Variants in VWA5A observed in about 807,000 individuals in gnomAD.
VWA5A encodes the protein von Willebrand factor A domain containing 5A, also known as von Willebrand factor A domain-containing protein 5A.
VWA5A carries 77 observed loss-of-function variants against 84.6 expected under a neutral mutation model. The ratio of observed to expected loss-of-function variants is 0.91; its 90% CI spans 0.76 to 1.10. The LOEUF is 1.10. VWA5A is among the 50% of genes least tolerant of loss of function. VWA5A has a pLI of 0.00. For synonymous variants in VWA5A, 334 were observed against 350.1 expected (o/e 0.95, Z 0.51); for missense variants, 973 against 963.0 (o/e 1.01, Z -0.14).
chr11:124,117,876 G>T lies in VWA5A; in HGVS notation c.246+1G>T. The T allele has an allele frequency of 2.5e-6, 4 of 1,614,058 alleles. No homozygotes were observed. Among genetic ancestry groups the T allele is most frequent in the Non-Finnish European group, 2.5e-6 (3 of 1,180,004 alleles). ...AGCAGAATTACAAGACAAGATGAAG[G>T]TAGTAGAGATTACCTCCTCCCTTCT... On this transcript the variant is annotated splice_donor_variant, in intron 4 of 18. Coordinates refer to ENST00000456829, the MANE Select transcript of VWA5A (RefSeq NM_001130142.2). LOFTEE classifies it high-confidence loss of function.
chr11:124,115,455 A>C lies in VWA5A; in HGVS notation c.-158A>C, dbSNP rs547785804. ...AGCTGTTTTCACTCCGCTGTGACTCAGAGCGCTCCGGGCTGCAGGAGAGGA... is the reference window on the plus strand; with the variant it reads ...AGCTGTTTTCACTCCGCTGTGACTCCGAGCGCTCCGGGCTGCAGGAGAGGA... On this transcript the variant is annotated 5_prime_UTR_variant, in exon 1 of 19. Coordinates refer to ENST00000456829, the MANE Select transcript of VWA5A (RefSeq NM_001130142.2). 1.3e-5 allele frequency: 2 copies of C among 152,278 alleles called. No individual in the cohort carries two copies. The highest frequency in any genetic ancestry group is 4.1e-4 in the South Asian group (2 of 4,820). The allele number at this position is 152,278 out of a possible 1,614,324, so 9.4% of individuals were successfully genotyped here.
At chr11:124,141,040 G>C (rs1186857336) in intron 15 of VWA5A, among the ~76,000 whole-genome samples, 1 of 152,194 alleles carries the variant, frequency 6.6e-6, no homozygotes, top group Non-Finnish European at 1.5e-5. Context: ...CTATCTACAT[G>C]GGTGATGAAA....
intron 11 of VWA5A, among the ~76,000 whole-genome samples, chr11:124,132,990 T>C (rs1407878808): frequency 6.6e-6 from 1 of 152,230 alleles, no homozygotes; most frequent in Non-Finnish European, 1.5e-5. Flanking sequence ...ATTTCTTTTT[T>C]AAGCTTGTAT....
At chr11:124,119,149 C>CATGTTGGGGA in intron 7 of VWA5A, 60 bp downstream of exon 7, 1 of 1,433,022 alleles carries the variant, frequency 7.0e-7, no homozygotes. Context: ...CTTGGAATTA[C>CATGTTGGGGA]TGTCGAATTA....
At chr11:124,135,876 A>G (rs1253800269) in intron 12 of VWA5A, among the ~76,000 whole-genome samples, 1 of 152,046 alleles carries the variant, frequency 6.6e-6, no homozygotes, top group Non-Finnish European at 1.5e-5. Context: ...TGCCACCTTT[A>G]TCTAATCCCC....
Position 124,118,982 on chromosome 11 carries a change from T to G in VWA5A, c.653T>G (p.Leu218Arg). 6.2e-7 allele frequency: 1 copy of G among 1,614,148 alleles called. No individual in the cohort carries two copies. The highest frequency in any genetic ancestry group is 8.5e-7 in the Non-Finnish European group (1 of 1,180,022). The change falls in exon 7 of 19, where the codon CTG (leucine) becomes CGG (arginine). Residue 218 changes from leucine (L) to arginine (R), a missense_variant. Coordinates refer to ENST00000456829, the MANE Select transcript of VWA5A (RefSeq NM_001130142.2). ...TACCTGTCCTCCACTCAGGTTTCCC[T>G]GGCTGCTGGACACAAGTTTGATCGG... ...GEDKTSAQVS[L>R]AAGHKFDRDV...
In VWA5A at chr11:124,118,975, G is replaced by A. The variant is rs1277019124; in HGVS notation, c.646G>A (p.Val216Ile). 2 of 1,614,018 alleles carry A rather than the reference G, an allele frequency of 1.2e-6. No individual in the cohort carries two copies. Among genetic ancestry groups the A allele is most frequent in the Non-Finnish European group, 8.5e-7 (1 of 1,179,970 alleles). ...GCTCCTTTACCTGTCCTCCACTCAGGTTTCCCTGGCTGCTGGACACAAGTT... is the reference window on the plus strand; with the variant it reads ...GCTCCTTTACCTGTCCTCCACTCAGATTTCCCTGGCTGCTGGACACAAGTT... ...YLGEDKTSAQVSLAAGHKFDR... is the reference protein window; with the variant it reads ...YLGEDKTSAQISLAAGHKFDR... Residue 216 changes from valine (V) to isoleucine (I), a missense_variant and splice_region_variant, in exon 7 of 19, where the codon GTT (valine) becomes ATT (isoleucine). Transcript: ENST00000456829.
At chr11:124,133,409 G>A (rs1393514280) in intron 11 of VWA5A, among the ~76,000 whole-genome samples, 1 of 152,224 alleles carries the variant, frequency 6.6e-6, no homozygotes, top group Admixed American at 6.5e-5. Flanking sequence ...GCTTCAAAGG[G>A]TCAAGGAACA....
At position 124,118,724 on chromosome 11, in the gene VWA5A, A is replaced by T. The variant is rs1864883061; in HGVS notation, c.645+16A>T. ...TTCTGCTCAGGTAGTTAATGAGAGA[A>T]TACTGCTATTGTCAGTACCTCTGTT... On this transcript the variant is annotated intron_variant, in intron 6 of 18. Coordinates refer to ENST00000456829, the MANE Select transcript of VWA5A (RefSeq NM_001130142.2). The T allele has an allele frequency of 1.9e-6, 3 of 1,608,484 alleles. No individual in the cohort carries two copies. In the East Asian group the frequency reaches 6.7e-5, roughly 36 times the overall value.
At chr11:124,132,519 AT>A (rs1565619077) in intron 11 of VWA5A, among the ~76,000 whole-genome samples, 1 of 152,072 alleles carries the variant, frequency 6.6e-6, no homozygotes, top group Non-Finnish European at 1.5e-5. Context: ...TGTATATTTT[AT>A]TGAAGTTCTT....
intron 11 of VWA5A, among the ~76,000 whole-genome samples, chr11:124,127,935 G>T (rs1865043807): frequency 6.6e-6 from 1 of 151,980 alleles, no homozygotes; most frequent in South Asian, 2.1e-4. Flanking sequence ...TGGATAGATT[G>T]CAAAAATTTT....
rs975809892 is a variant in VWA5A at position 124,146,182 on chromosome 11, G to A, written c.*237G>A. 24 of 379,970 alleles carry A rather than the reference G, an allele frequency of 6.3e-5. No homozygotes were observed. Among genetic ancestry groups the A allele is most frequent in the Non-Finnish European group, 1.0e-4 (21 of 210,724 alleles). The allele number at this position is 379,970 out of a possible 1,614,324, so 23.5% of individuals were successfully genotyped here. ...GGTCCCAGAACCTATTCCCTTTCTTGAGGGAGTTCAAAACATTCATAGGCA... is the reference window on the plus strand; with the variant it reads ...GGTCCCAGAACCTATTCCCTTTCTTAAGGGAGTTCAAAACATTCATAGGCA... On this transcript the variant is annotated 3_prime_UTR_variant, in exon 19 of 19. Coordinates refer to ENST00000456829, the MANE Select transcript of VWA5A (RefSeq NM_001130142.2).
rs553338525 is a variant in VWA5A at position 124,118,286 on chromosome 11, G to T, written c.344G>T (p.Gly115Val). The T allele has an allele frequency of 1.4e-5, 23 of 1,614,158 alleles. No individual in the cohort carries two copies. The highest frequency in any genetic ancestry group is 9.3e-6 in the Non-Finnish European group (11 of 1,180,032). Residue 115 changes from glycine to valine, a missense_variant, in exon 5 of 19, where the codon GGT becomes GTT. Transcript: ENST00000456829. Reference protein sequence around the residue: ...SSRDVFSCNVGNLQPGSKAAV... With the variant: ...SSRDVFSCNVVNLQPGSKAAV... ...AGGGATGTCTTCTCTTGCAATGTGGGTAACCTCCAACCTGGGTCGAAGGCG... is the reference window on the plus strand; with the variant it reads ...AGGGATGTCTTCTCTTGCAATGTGGTTAACCTCCAACCTGGGTCGAAGGCG...
At chr11:124,138,869 T>A (rs141394814) in intron 15 of VWA5A, among the ~76,000 whole-genome samples, 1 of 152,328 alleles carries the variant, frequency 6.6e-6, no homozygotes. Flanking sequence ...GTCATAGATA[T>A]TTTCCCTTAT....
chr11:124,136,401 G>A (rs1399498428), intron 13 of VWA5A, 108 bp downstream of exon 13: 24 of 1,494,762 alleles, frequency 1.6e-5, no homozygotes, highest in Non-Finnish European at 2.1e-5. Flanking sequence ...CACTTGCCAA[G>A]TATAGCTAGC....
intron 7 of VWA5A, 41 bp downstream of exon 7, chr11:124,119,130 A>G (rs113907367): frequency 6.5e-7 from 1 of 1,548,468 alleles, no homozygotes; most frequent in Non-Finnish European, 8.9e-7. Flanking sequence ...CTAAGGGGCA[A>G]CTCCCTGTCT....
chr11:124,120,757 T>C (rs550177447), intron 7 of VWA5A, among the ~76,000 whole-genome samples: 3 of 152,336 alleles, frequency 2.0e-5, no homozygotes, highest in African/African-American at 7.2e-5. Context: ...TTTCCTTGGG[T>C]GTCCATGAAA....
At chr11:124,142,677 C>CATAGA in intron 17 of VWA5A, 105 bp downstream of exon 17, 1 of 1,426,244 alleles carries the variant, frequency 7.0e-7, no homozygotes, top group Non-Finnish European at 9.5e-7. Flanking sequence ...TATAGGGGGT[C>CATAGA]ATAGACTAAA....
intron 17 of VWA5A, 132 bp downstream of exon 17, chr11:124,142,704 A>G: frequency 8.1e-7 from 1 of 1,229,912 alleles, no homozygotes. Context: ...TGTAATAAAT[A>G]GAGGCTGAAG....
Sources: allele counts gnomAD v4.1 joint callset (sites outside exome capture counted in the v4.1 genomes callset), GRCh38; gene constraint gnomAD v4.1.1; transcripts MANE v1.5; gene names NCBI Gene and HGNC (gene_info 2026-07-23, HGNC 2026-07-21).